The following CEP112 variants were observed in gnomAD, a reference collection of about 807,000 sequenced individuals.
CEP112 encodes the protein centrosomal protein of 112 kDa.
Under a neutral mutation model 153.0 loss-of-function variants are expected in CEP112, and 127 were observed. The ratio of observed to expected loss-of-function variants is 0.83; its 90% CI spans 0.72 to 0.96. The LOEUF (loss-of-function observed/expected upper bound fraction) is 0.96. Among genes scored for constraint, CEP112 ranks in the 40% least tolerant of loss-of-function variants. The probability of loss-of-function intolerance (pLI) is 0.00; values close to 1 mark genes in which losing one functional copy is unlikely to be tolerated. For missense variants in CEP112, 1,089 were observed against 1,101.2 expected (o/e 0.99, Z 0.16); for synonymous variants, 358 against 374.4 (o/e 0.96, Z 0.51).
chr17:65,759,451 C>T (rs544865983), intron 21 of CEP112, among the ~76,000 whole-genome samples: 18 of 152,156 alleles, frequency 1.2e-4, no homozygotes, highest in African/African-American at 3.4e-4. Flanking sequence ...GGTAAAACTC[C>T]GCACCATCCT....
chr17:65,660,504 TTCCTTCCTTCCTTCTTCCC>T (rs2046334221), intron 24 of CEP112, among the ~76,000 whole-genome samples: 2 of 136,200 alleles, frequency 1.5e-5, no homozygotes, highest in Non-Finnish European at 1.6e-5. Flanking sequence ...CCTTCCTTCC[TTCCTTCCTTCCTTCTTCCC>T]TTCTTCCTTT....
At chr17:66,177,331 C>T (rs1187585052) in intron 2 of CEP112, among the ~76,000 whole-genome samples, 3 of 152,152 alleles carry the variant, frequency 2.0e-5, no homozygotes, top group Non-Finnish European at 4.4e-5. Context: ...AACTCCTGGT[C>T]TACAATTTCA....
intron 24 of CEP112, among the ~76,000 whole-genome samples, chr17:65,662,671 T>A (rs1166605746): frequency 6.6e-6 from 1 of 152,180 alleles, no homozygotes; most frequent in Non-Finnish European, 1.5e-5. Flanking sequence ...AGTATCCTCA[T>A]TGGGCCAGCT....
chr17:65,980,207 A>G (rs938822061), intron 17 of CEP112, among the ~76,000 whole-genome samples: 43 of 152,312 alleles, frequency 2.8e-4, no homozygotes, highest in African/African-American at 1.0e-3. Context: ...GTCCCTCGAC[A>G]TTTGTGTATT....
At chr17:66,175,900 T>C (rs1248783500) in intron 3 of CEP112, among the ~76,000 whole-genome samples, 1 of 152,222 alleles carries the variant, frequency 6.6e-6, no homozygotes, top group Non-Finnish European at 1.5e-5. Context: ...AAACTCTGCA[T>C]TGACTGCACA....
At chr17:66,007,782 G>C (rs1476523820) in intron 16 of CEP112, among the ~76,000 whole-genome samples, 1 of 152,128 alleles carries the variant, frequency 6.6e-6, no homozygotes, top group East Asian at 1.9e-4. Context: ...ACTAATATGT[G>C]AGATGTTATC....
In CEP112 at chr17:65,869,661, G is replaced by C. The variant is rs528861874; in HGVS notation, c.2164-17627C>G. On this transcript the variant is annotated intron_variant, in intron 20 of 26. Coordinates refer to ENST00000535342, the MANE Select transcript of CEP112 (RefSeq NM_001199165.4). ...GTGGTGTGATCTCTGCTCACTGCAA[G>C]CTACGCCTCCTGGGTTCACCCCATT... Among the ~76,000 whole-genome samples the C allele has an allele frequency of 7.4e-4, 110 of 149,136 alleles. 1 individual carries two copies. The highest frequency in any genetic ancestry group is 2.6e-3 in the African/African-American group (107 of 40,474).
intron 24 of CEP112, among the ~76,000 whole-genome samples, chr17:65,646,662 G>A (rs938599816): frequency 1.3e-5 from 2 of 152,180 alleles, no homozygotes; most frequent in Non-Finnish European, 2.9e-5. Context: ...AAGCACATAT[G>A]ATTGTCCACT....
chr17:65,874,866 A>G (rs748737375), intron 20 of CEP112, among the ~76,000 whole-genome samples: 29 of 152,076 alleles, frequency 1.9e-4, no homozygotes, highest in Non-Finnish European at 4.0e-4. Context: ...CCTGTAAATT[A>G]TTCTTTACAT....
intron 21 of CEP112, among the ~76,000 whole-genome samples, chr17:65,847,235 C>A (rs2057762637): frequency 6.6e-6 from 1 of 152,184 alleles, no homozygotes; most frequent in African/African-American, 2.4e-5. Flanking sequence ...TGTCCTCAAA[C>A]CTCCCTTCTA....
intron 17 of CEP112, among the ~76,000 whole-genome samples, chr17:65,964,269 T>G (rs376351864): frequency 6.6e-6 from 1 of 152,230 alleles, no homozygotes; most frequent in South Asian, 2.1e-4. Flanking sequence ...TTTTGCCACC[T>G]AATGTGAATA....
intron 17 of CEP112, among the ~76,000 whole-genome samples, chr17:65,982,055 T>A (rs942623086): frequency 1.3e-5 from 2 of 152,134 alleles, no homozygotes; most frequent in African/African-American, 2.4e-5. Context: ...TATATATTTT[T>A]AAATATTTTT....
chr17:66,075,932 C>T (rs1652510323), intron 8 of CEP112, among the ~76,000 whole-genome samples: 1 of 152,168 alleles, frequency 6.6e-6, no homozygotes, highest in Non-Finnish European at 1.5e-5. Context: ...CAAACACACA[C>T]CCCCACTGGG....
At chr17:66,117,163 G>C (rs2069340234) in intron 6 of CEP112, among the ~76,000 whole-genome samples, 1 of 151,972 alleles carries the variant, frequency 6.6e-6, no homozygotes, top group East Asian at 1.9e-4. Context: ...CAAAGTGCTT[G>C]GATTACAGGT....
At chr17:66,020,133 C>G (rs746525642) in intron 16 of CEP112, among the ~76,000 whole-genome samples, 19 of 152,126 alleles carry the variant, frequency 1.2e-4, no homozygotes, top group Admixed American at 4.6e-4. Flanking sequence ...TGCAACAGAG[C>G]AGGAAGCCAG....
chr17:66,153,796 T>C (rs551071191), intron 4 of CEP112, among the ~76,000 whole-genome samples: 387 of 152,110 alleles, frequency 2.5e-3, no homozygotes, highest in South Asian at 4.6e-3. Context: ...TATTAGCACA[T>C]AGATAAACAG....
intron 4 of CEP112, among the ~76,000 whole-genome samples, chr17:66,140,761 C>T (rs1000677904): frequency 1.3e-5 from 2 of 152,072 alleles, no homozygotes; most frequent in African/African-American, 4.8e-5. Flanking sequence ...TCCTGCCTCC[C>T]CGAGTGGCTG....
intron 18 of CEP112, among the ~76,000 whole-genome samples, chr17:65,934,145 C>T (rs2061225532): frequency 6.6e-6 from 1 of 152,060 alleles, no homozygotes; most frequent in Non-Finnish European, 1.5e-5. Flanking sequence ...GCTGAGATTA[C>T]ACCACTGCAC....
intron 21 of CEP112, among the ~76,000 whole-genome samples, chr17:65,807,962 T>C (rs532862072): frequency 1.3e-5 from 2 of 152,324 alleles, no homozygotes; most frequent in African/African-American, 4.8e-5. Flanking sequence ...GGAATGCTAG[T>C]TCCACTGACA....
Sources: gnomAD v4.1 joint callset for allele counts (sites outside exome capture counted in the v4.1 genomes callset) on GRCh38, gnomAD v4.1.1 for gene constraint, MANE v1.5 for transcripts, NCBI Gene and HGNC (gene_info 2026-07-23, HGNC 2026-07-21) for gene names.